Variants in ZRANB3 observed in about 807,000 individuals in gnomAD.
ZRANB3 encodes the protein DNA annealing helicase and endonuclease ZRANB3.
Under a neutral mutation model 133.8 loss-of-function variants are expected in ZRANB3, and 125 were observed. The observed-to-expected ratio is 0.93, with a 90% CI of 0.81 to 1.08. ZRANB3 has a LOEUF of 1.08. Ranked by LOEUF, ZRANB3 falls within the 50% of genes least tolerant of loss-of-function variation. ZRANB3 has a pLI of 0.00. For synonymous variants in ZRANB3, 387 were observed against 432.7 expected, an observed-to-expected ratio of 0.89 and a Z score of 1.31; for missense variants, 1,229 against 1,275.5, an observed-to-expected ratio of 0.96 and a Z score of 0.56.
intron 3 of ZRANB3, among the ~76,000 whole-genome samples, chr2:135,379,789 G>A (rs551589769): frequency 5.7e-4 from 87 of 152,204 alleles, no homozygotes; most frequent in Non-Finnish European, 8.8e-4. Flanking sequence ...CATAATGACA[G>A]GATCAAATGC....
chr2:135,299,007 C>A (rs1682300239), intron 8 of ZRANB3, among the ~76,000 whole-genome samples: 1 of 152,140 alleles, frequency 6.6e-6, no homozygotes, highest in Non-Finnish European at 1.5e-5. Context: ...GGCATACAAG[C>A]TTGTCTAAAG....
At chr2:135,223,852 T>A (rs1296413944) in intron 15 of ZRANB3, among the ~76,000 whole-genome samples, 1 of 152,110 alleles carries the variant, frequency 6.6e-6, no homozygotes, top group Non-Finnish European at 1.5e-5. Flanking sequence ...AATGGGCAGG[T>A]CTAGGCTTCT....
At chr2:135,490,905 A>G (rs557964195) in intron 2 of ZRANB3, among the ~76,000 whole-genome samples, 1 of 152,338 alleles carries the variant, frequency 6.6e-6, no homozygotes, top group South Asian at 2.1e-4. Flanking sequence ...CAAATATCAC[A>G]TGTTCGCACT....
intron 14 of ZRANB3, 113 bp downstream of exon 14, chr2:135,227,699 A>G: frequency 9.5e-7 from 1 of 1,056,644 alleles, no homozygotes; most frequent in Non-Finnish European, 1.4e-6. Flanking sequence ...TTTTTAATAT[A>G]AAAGAGAGTA....
At chr2:135,482,579 T>C (rs1227585939) in intron 2 of ZRANB3, among the ~76,000 whole-genome samples, 2 of 152,006 alleles carry the variant, frequency 1.3e-5, no homozygotes, top group Admixed American at 1.3e-4. Context: ...CAATTTGACT[T>C]CCTCTTTTCC....
At chr2:135,451,427 T>C (rs1005084683) in intron 2 of ZRANB3, among the ~76,000 whole-genome samples, 1 of 151,990 alleles carries the variant, frequency 6.6e-6, no homozygotes, top group Admixed American at 6.6e-5. Context: ...CCAGGCAAAG[T>C]GGCACATGCC....
At chr2:135,313,703 T>TA in intron 7 of ZRANB3, 98 bp from the exon 8 acceptor site, 1 of 661,614 alleles carries the variant, frequency 1.5e-6, no homozygotes, top group Non-Finnish European at 2.4e-6. Context: ...TCCTTTTCTC[T>TA]ATAGAAAGAT....
chr2:135,449,663 G>C (rs936818753), intron 2 of ZRANB3, among the ~76,000 whole-genome samples: 1 of 152,118 alleles, frequency 6.6e-6, no homozygotes, highest in African/African-American at 2.4e-5. Context: ...TAATCACTGA[G>C]TAACTCATCT....
intron 2 of ZRANB3, among the ~76,000 whole-genome samples, chr2:135,496,296 A>G (rs928535399): frequency 6.6e-6 from 1 of 151,060 alleles, no homozygotes; most frequent in Non-Finnish European, 1.5e-5. Flanking sequence ...AGGCAGGACA[A>G]TCGCTTGAAC....
At chr2:135,512,074 C>T (rs539538673) in intron 1 of ZRANB3, 13 of 439,950 alleles carry the variant, frequency 3.0e-5, no homozygotes, top group African/African-American at 2.6e-4. Context: ...TGTGTCCGCA[C>T]CAGCAATACA....
At chr2:135,239,674 A>G (rs531243394) in intron 12 of ZRANB3, among the ~76,000 whole-genome samples, 1 of 152,300 alleles carries the variant, frequency 6.6e-6, no homozygotes, top group South Asian at 2.1e-4. Flanking sequence ...ACGATTTTTA[A>G]AACAATGCGT....
intron 1 of ZRANB3, among the ~76,000 whole-genome samples, chr2:135,518,134 GA>G (rs1693777551): frequency 6.6e-6 from 1 of 152,154 alleles, no homozygotes; most frequent in Non-Finnish European, 1.5e-5. Context: ...GTCCCAGATA[GA>G]CTTCAGACTG....
chr2:135,325,571 ATT>A (rs1156702049), intron 6 of ZRANB3, among the ~76,000 whole-genome samples: 9 of 151,954 alleles, frequency 5.9e-5, no homozygotes, highest in Admixed American at 6.6e-5. Flanking sequence ...TTGTTTTTGT[ATT>A]TTTAGTAGAG....
intron 2 of ZRANB3, among the ~76,000 whole-genome samples, chr2:135,469,270 T>C (rs1021272196): frequency 4.2e-4 from 62 of 148,122 alleles, no homozygotes; most frequent in Admixed American, 1.5e-3. Context: ...CACACACACA[T>C]ATATGTGATA....
intron 8 of ZRANB3, among the ~76,000 whole-genome samples, chr2:135,306,366 C>T (rs537482915): frequency 8.7e-5 from 13 of 150,102 alleles, no homozygotes; most frequent in Non-Finnish European, 1.8e-4. Context: ...TGGCTCACTG[C>T]AAGCTCCGCC....
At chr2:135,265,741 T>G in intron 11 of ZRANB3, 55 bp from the exon 12 acceptor site, 3 of 1,526,230 alleles carry the variant, frequency 2.0e-6, no homozygotes, top group African/African-American at 1.4e-5. Context: ...CAGCTGAAAT[T>G]CACTAAGTAA....
At chr2:135,465,131 T>C (rs1179529636) in intron 2 of ZRANB3, among the ~76,000 whole-genome samples, 1 of 152,246 alleles carries the variant, frequency 6.6e-6, no homozygotes, top group African/African-American at 2.4e-5. Context: ...AATTCCTGCA[T>C]GTATTGATAA....
chr2:135,299,079 T>G (rs1682307418), intron 8 of ZRANB3, among the ~76,000 whole-genome samples: 1 of 152,078 alleles, frequency 6.6e-6, no homozygotes, highest in African/African-American at 2.4e-5. Context: ...TCTAAGAGAT[T>G]ATGTCTTTTG....
intron 2 of ZRANB3, among the ~76,000 whole-genome samples, chr2:135,474,142 G>T (rs1167090548): frequency 6.6e-6 from 1 of 152,078 alleles, no homozygotes; most frequent in African/African-American, 2.4e-5. Flanking sequence ...AGTGAACCAT[G>T]ATAGCACCCC....
Sources: allele counts gnomAD v4.1 joint callset (sites outside exome capture counted in the v4.1 genomes callset), GRCh38; gene constraint gnomAD v4.1.1; transcripts MANE v1.5; gene names NCBI Gene and HGNC (gene_info 2026-07-23, HGNC 2026-07-21).